RASGEF1C: variants seen among roughly 807,000 people sequenced by gnomAD.
RASGEF1C encodes the protein RasGEF domain family member 1C.
RASGEF1C carries 27 observed loss-of-function variants against 58.1 expected under a neutral mutation model. The ratio of observed to expected loss-of-function variants is 0.46; its 90% CI spans 0.34 to 0.64. RASGEF1C has a LOEUF of 0.64. Ranked by LOEUF, RASGEF1C falls within the 30% of genes least tolerant of loss-of-function variation. The pLI is 0.01. For missense variants in RASGEF1C, 502 were observed against 605.1 expected (o/e 0.83, Z 1.79); for synonymous variants, 243 against 246.3 (o/e 0.99, Z 0.13).
At chr5:180,174,440 C>CTG (rs1767176809) in intron 1 of RASGEF1C, among the ~76,000 whole-genome samples, 2 of 144,672 alleles carry the variant, frequency 1.4e-5, no homozygotes, top group East Asian at 2.1e-4. Flanking sequence ...ACGTGTGTGT[C>CTG]TGTGCATGTG....
At chr5:180,128,349 C>T in intron 5 of RASGEF1C, 61 bp downstream of exon 5, 1 of 1,461,848 alleles carries the variant, frequency 6.8e-7, no homozygotes, top group East Asian at 2.3e-5. Context: ...AGGGAGGGCA[C>T]AGTGTATCTG....
At chr5:180,165,780 C>T (rs1474957579) in intron 1 of RASGEF1C, among the ~76,000 whole-genome samples, 3 of 119,038 alleles carry the variant, frequency 2.5e-5, no homozygotes, top group Admixed American at 1.1e-4. Flanking sequence ...GATAGAGTCT[C>T]GCTCTGTCAC....
chr5:180,101,704 G>A (rs182843034), intron 13 of RASGEF1C, among the ~76,000 whole-genome samples, 179 bp from the exon 14 acceptor site: 24 of 152,316 alleles, frequency 1.6e-4, no homozygotes, highest in Admixed American at 5.9e-4. Context: ...GATCATTTCC[G>A]ACCGCCACTT....
At chr5:180,179,165 T>C (rs1045265322) in intron 1 of RASGEF1C, among the ~76,000 whole-genome samples, 1 of 151,932 alleles carries the variant, frequency 6.6e-6, no homozygotes. Context: ...CTGCGCAGAT[T>C]GGGAGGGTGG....
chr5:180,175,598 G>A (rs1305222927), intron 1 of RASGEF1C, among the ~76,000 whole-genome samples: 1 of 152,362 alleles, frequency 6.6e-6, no homozygotes, highest in Non-Finnish European at 1.5e-5. Flanking sequence ...CAGTCCCTGT[G>A]TTGTTCACAT....
At chr5:180,181,608 G>C (rs1767327775) in intron 1 of RASGEF1C, among the ~76,000 whole-genome samples, 1 of 152,198 alleles carries the variant, frequency 6.6e-6, no homozygotes, top group African/African-American at 2.4e-5. Flanking sequence ...GCCAAGGAAT[G>C]CAGAAGATTT....
chr5:180,105,243 G>T (rs1270734406), intron 12 of RASGEF1C, among the ~76,000 whole-genome samples: 3 of 152,250 alleles, frequency 2.0e-5, no homozygotes, highest in African/African-American at 7.2e-5. Flanking sequence ...GCTTCCCTTT[G>T]CCATATCTGA....
intron 1 of RASGEF1C, among the ~76,000 whole-genome samples, chr5:180,196,887 A>G (rs1007285741): frequency 1.3e-5 from 2 of 152,240 alleles, no homozygotes; most frequent in African/African-American, 2.4e-5. Context: ...GAAGCACTCA[A>G]TAAAAATTCT....
rs531129524 is a variant in RASGEF1C at position 180,187,547 on chromosome 5, A to G, written c.-7+21481T>C. Reference sequence around the variant, plus strand: ...TGAAAACTATAAAATATTATTTAAGAGAAATTAAAGAAAATCTAAATAAAT... The same window carrying G: ...TGAAAACTATAAAATATTATTTAAGGGAAATTAAAGAAAATCTAAATAAAT... On this transcript the variant is annotated intron_variant, in intron 1 of 13. Transcript: ENST00000361132. Among the ~76,000 whole-genome samples the G allele has an allele frequency of 5.3e-5, 8 of 152,312 alleles. No individual in the cohort carries two copies. The South Asian group carries it at 1.7e-3, about 32-fold the overall frequency.
chr5:180,167,883 A>G (rs1359951193), intron 1 of RASGEF1C, among the ~76,000 whole-genome samples: 11 of 152,208 alleles, frequency 7.2e-5, no homozygotes, highest in Admixed American at 6.5e-4. Flanking sequence ...CAGATAATTG[A>G]CCCAGAATGG....
intron 1 of RASGEF1C, among the ~76,000 whole-genome samples, chr5:180,157,864 GC>G (rs1310193861): frequency 6.6e-6 from 1 of 152,128 alleles, no homozygotes; most frequent in Non-Finnish European, 1.5e-5. Context: ...AAACTATTCT[GC>G]CTGATACTAT....
rs960113514 is a variant in RASGEF1C, at chr5:180,101,353, G to T, written c.*148C>A. On this transcript the variant is annotated 3_prime_UTR_variant, in exon 14 of 14. Transcript: ENST00000361132. Reference sequence around the variant, plus strand: ...CTCCTGTGCCCGTATGGCCACTGTGGGGGGGGGGGGGGCGGGCAGCAGGCC... The same window carrying T: ...CTCCTGTGCCCGTATGGCCACTGTGTGGGGGGGGGGGGCGGGCAGCAGGCC... 15 of 256,314 alleles carry T rather than the reference G, an allele frequency of 5.9e-5. No homozygotes were observed. Among genetic ancestry groups the T allele is most frequent in the Admixed American group, 7.7e-5 (1 of 13,028 alleles). 15.9% of individuals were successfully genotyped at this position (256,314 alleles called of 1,614,324 possible). A position where few individuals can be genotyped will look rare whatever the true frequency, so the allele number is the denominator to read the frequency against.
intron 1 of RASGEF1C, among the ~76,000 whole-genome samples, chr5:180,183,450 G>A (rs1435779802): frequency 6.7e-6 from 1 of 149,156 alleles, no homozygotes; most frequent in Non-Finnish European, 1.5e-5. Context: ...AAGGACATAA[G>A]CTAGAATCAT....
intron 1 of RASGEF1C, among the ~76,000 whole-genome samples, chr5:180,174,423 T>G (rs1176262516): frequency 1.3e-5 from 2 of 148,152 alleles, no homozygotes; most frequent in Non-Finnish European, 3.0e-5. Flanking sequence ...CGTGCGTGCA[T>G]GTGCACACGT....
chr5:180,159,917 G>T (rs1215146864), intron 1 of RASGEF1C, among the ~76,000 whole-genome samples: 1 of 152,208 alleles, frequency 6.6e-6, no homozygotes, highest in Non-Finnish European at 1.5e-5. Context: ...AGCTGCCGTG[G>T]CTGCCCAGCC....
chr5:180,172,606 C>A (rs903914581), intron 1 of RASGEF1C, among the ~76,000 whole-genome samples: 1 of 152,184 alleles, frequency 6.6e-6, no homozygotes, highest in African/African-American at 2.4e-5. Flanking sequence ...CCCCAGCTGG[C>A]AAAGAGCCAG....
At chr5:180,107,805 C>T (rs535374592) in intron 12 of RASGEF1C, among the ~76,000 whole-genome samples, 7 of 152,188 alleles carry the variant, frequency 4.6e-5, no homozygotes, top group African/African-American at 1.2e-4. Context: ...GACGAGGTTT[C>T]GCCATGTTGG....
At chr5:180,182,082 G>T (rs1287506612) in intron 1 of RASGEF1C, among the ~76,000 whole-genome samples, 1 of 151,738 alleles carries the variant, frequency 6.6e-6, no homozygotes, top group African/African-American at 2.4e-5. Flanking sequence ...GCGGGCGCCT[G>T]TAGTCCCAGC....
intron 1 of RASGEF1C, among the ~76,000 whole-genome samples, chr5:180,174,451 C>T (rs768404736): frequency 1.3e-4 from 20 of 148,752 alleles, no homozygotes; most frequent in South Asian, 4.3e-4. Flanking sequence ...TGTGCATGTG[C>T]GTGTGTGCAT....
Sources: allele counts gnomAD v4.1 joint callset (sites outside exome capture counted in the v4.1 genomes callset), GRCh38; gene constraint gnomAD v4.1.1; transcripts MANE v1.5; gene names NCBI Gene and HGNC (gene_info 2026-07-23, HGNC 2026-07-21).